CACTIN: variants seen among roughly 807,000 people sequenced by gnomAD.
CACTIN encodes splicing factor Cactin.
CACTIN carries 20 observed loss-of-function variants against 84.9 expected under a neutral mutation model. That is an observed-to-expected ratio of 0.24 (90% CI 0.17 to 0.34). The LOEUF (loss-of-function observed/expected upper bound fraction) is 0.34. Among genes scored for constraint, CACTIN ranks in the 10% least tolerant of loss-of-function variants. The pLI is 1.00. For missense variants in CACTIN, 897 were observed against 1,117.2 expected, an observed-to-expected ratio of 0.80 and a Z score of 2.81; for synonymous variants, 549 against 467.9, an observed-to-expected ratio of 1.17 and a Z score of -2.24.
chr19:3,618,069 C>G (rs56695698), intron 6 of CACTIN, among the ~76,000 whole-genome samples: 17,464 of 151,878 alleles, frequency 0.11, 1,861 homozygotes, highest in African/African-American at 0.27. Flanking sequence ...AGGACCGGGT[C>G]TATCGACAGG....
intron 6 of CACTIN, 57 bp downstream of exon 6, chr19:3,618,818 G>A: frequency 3.0e-6 from 4 of 1,347,702 alleles, no homozygotes; most frequent in Non-Finnish European, 4.1e-6. Context: ...GAGGCTTCTG[G>A]GTGAACACTG....
At chr19:3,624,243 G>T in intron 1 of CACTIN, 81 bp from the exon 2 acceptor site, 1 of 1,277,246 alleles carries the variant, frequency 7.8e-7, no homozygotes, top group East Asian at 2.3e-5. Flanking sequence ...GCCCGTGGGG[G>T]AGCAGGCACT....
At chr19:3,618,846 C>A in intron 6 of CACTIN, 29 bp downstream of exon 6, 1 of 1,513,572 alleles carries the variant, frequency 6.6e-7, no homozygotes, top group Non-Finnish European at 9.0e-7. Flanking sequence ...CGCAGCTCCC[C>A]TGGAGCCCAG....
chr19:3,614,272 C>G, intron 7 of CACTIN, 125 bp downstream of exon 7: 1 of 1,019,594 alleles, frequency 9.8e-7, no homozygotes, highest in South Asian at 1.5e-5. Flanking sequence ...TCGGCACTTT[C>G]CTGCCCCTCT....
rs754832312 is a variant in CACTIN, at chr19:3,612,078, G to A, written c.2122C>T (p.Leu708=). 5.6e-6 allele frequency: 9 copies of A among 1,613,888 alleles called. No individual in the cohort carries two copies. The South Asian group carries it at 6.6e-5, about 12-fold the overall frequency. The change falls in exon 10 of 10, where the codon CTG becomes TTG. Residue 708 remains leucine (L), a synonymous_variant. Transcript: ENST00000429344. ...TAGGGCGGCCCCGCGTGGAAGCGCA[G>A]GATGGCGAAATCCTTGTTGTCGGCG... ...ACADNKDFAI[L]RFHAGPPYED... is the part of the protein sequence containing the mutation.
At chr19:3,617,849 A>T (rs1301630439) in intron 6 of CACTIN, among the ~76,000 whole-genome samples, 1 of 152,214 alleles carries the variant, frequency 6.6e-6, no homozygotes, top group Non-Finnish European at 1.5e-5. Flanking sequence ...AATGTGCCCC[A>T]CGGAGGAGAC....
chr19:3,621,674 C>T (rs914683385), intron 2 of CACTIN, among the ~76,000 whole-genome samples: 4 of 152,194 alleles, frequency 2.6e-5, no homozygotes, highest in South Asian at 2.1e-4. Context: ...CACATGGTGG[C>T]GATGAAGTGC....
Position 3,611,803 on chromosome 19 carries a change from G to A in CACTIN, c.*120C>T. 2 of 1,248,264 alleles carry A rather than the reference G, an allele frequency of 1.6e-6. No homozygotes were observed. Among genetic ancestry groups the A allele is most frequent in the Non-Finnish European group, 2.3e-6 (2 of 883,008 alleles). 77.3% of individuals were successfully genotyped at this position (1,248,264 alleles called of 1,614,324 possible). ...GCCTGGCGAAAGAAAGATGCGGCCT[G>A]AGGTGGGACGTGAACCCGCGGCCCT... is the stretch of plus-strand genomic sequence containing the variant. On this transcript the variant is annotated 3_prime_UTR_variant, in exon 10 of 10. Coordinates refer to ENST00000429344, the MANE Select transcript of CACTIN (RefSeq NM_001080543.2).
chr19:3,616,075 TC>T (rs1464153325), intron 6 of CACTIN: 2 of 152,054 alleles, frequency 1.3e-5, no homozygotes, highest in Admixed American at 1.3e-4. Flanking sequence ...TCTGGATGCC[TC>T]CCGAATGCCC....
intron 4 of CACTIN, 25 bp from the exon 5 acceptor site, chr19:3,619,267 A>G (rs765109316): frequency 6.2e-7 from 1 of 1,608,338 alleles, no homozygotes; most frequent in African/African-American, 1.3e-5. Flanking sequence ...GGAAGGTGGC[A>G]TCAGAGCCTG....
At chr19:3,621,855 C>T (rs935426522) in intron 2 of CACTIN, among the ~76,000 whole-genome samples, 5 of 152,130 alleles carry the variant, frequency 3.3e-5, no homozygotes, top group Non-Finnish European at 2.9e-5. Context: ...GGCCCCGAGG[C>T]GGAAGGAGCT....
Position 3,623,952 on chromosome 19 carries a change from G to T in CACTIN, c.378C>A (p.Ser126Arg). The change falls in exon 2 of 10, where the codon AGC becomes AGA. Residue 126 changes from serine (S) to arginine (R), a missense_variant. Coordinates refer to ENST00000429344, the MANE Select transcript of CACTIN (RefSeq NM_001080543.2). ...TCAGGGCAGCCGCGGCCGCCCGGGG[G>T]CTCTGGGATCGCCCTGGAGACGCGG... ...SSSASPGRSQ[S>R]PRAAAAALSQ... 6.2e-7 allele frequency: 1 copy of T among 1,603,200 alleles called. No homozygotes were observed.
chr19:3,625,184 G>A (rs1021166202), intron 1 of CACTIN, among the ~76,000 whole-genome samples: 6 of 152,140 alleles, frequency 3.9e-5, no homozygotes, highest in Admixed American at 1.3e-4. Flanking sequence ...GAGCCACTGC[G>A]CTCAGTCACG....
At chr19:3,624,229 G>C in intron 1 of CACTIN, 67 bp from the exon 2 acceptor site, 1 of 1,370,412 alleles carries the variant, frequency 7.3e-7, no homozygotes, top group Non-Finnish European at 9.9e-7. Flanking sequence ...GATGCTTACT[G>C]GGTGCCCGTG....
rs762405777 is a variant in CACTIN, at chr19:3,613,523, G to T, written c.1419C>A (p.Gly473=). 3.1e-6 allele frequency: 5 copies of T among 1,591,562 alleles called. No individual in the cohort carries two copies. Among genetic ancestry groups the T allele is most frequent in the East Asian group, 4.6e-5 (2 of 43,956 alleles). Reference sequence around the variant, plus strand: ...TGGGGAACAGCGGCTCGCTCTCCACGCCCTGCTCCTGCTTCAGTTTGTACA... The same window carrying T: ...TGGGGAACAGCGGCTCGCTCTCCACTCCCTGCTCCTGCTTCAGTTTGTACA... ...QKLYKLKQEQ[G]VESEPLFPIL... The change falls in exon 8 of 10, where the codon GGC becomes GGA. Residue 473 remains glycine (G), a synonymous_variant. Coordinates refer to ENST00000429344, the MANE Select transcript of CACTIN (RefSeq NM_001080543.2).
At position 3,610,985 on chromosome 19, in the gene CACTIN, G is replaced by T. The variant is rs1330833558; in HGVS notation, c.*938C>A. ...GGCCCTCCTGGCCTGAGAAAGGGGA[G>T]TGAGAAGGAGCCACTGTCCTGATAT... is the stretch of plus-strand genomic sequence containing the variant. On this transcript the variant is annotated 3_prime_UTR_variant, in exon 10 of 10. Transcript: ENST00000429344. 8.8e-6 allele frequency: 4 copies of T among 456,480 alleles called. No individual in the cohort carries two copies. The highest frequency in any genetic ancestry group is 7.0e-5 in the East Asian group (1 of 14,384). The allele number at this position is 456,480 out of a possible 1,614,324, so 28.3% of individuals were successfully genotyped here.
chr19:3,613,786 C>A, intron 7 of CACTIN, 200 bp from the exon 8 acceptor site: 1 of 652,858 alleles, frequency 1.5e-6, no homozygotes, highest in Non-Finnish European at 2.5e-6. Flanking sequence ...ACGCAGGTAC[C>A]CTGGTGAACC....
intron 1 of CACTIN, 75 bp downstream of exon 1, chr19:3,626,521 G>A: frequency 2.4e-6 from 3 of 1,260,740 alleles, no homozygotes; most frequent in Non-Finnish European, 3.0e-6. Context: ...CCGGTTCCCC[G>A]GGATCTCCAA....
intron 2 of CACTIN, chr19:3,621,114 GCC>G: frequency 2.1e-6 from 1 of 474,410 alleles, no homozygotes; most frequent in Non-Finnish European, 3.9e-6. Context: ...GGCCACCCCA[GCC>G]CCCAACAGAA....
Sources: allele counts gnomAD v4.1 joint callset (sites outside exome capture counted in the v4.1 genomes callset), GRCh38; gene constraint gnomAD v4.1.1; transcripts MANE v1.5; gene names NCBI Gene and HGNC (gene_info 2026-07-23, HGNC 2026-07-21).